TMEM87B: variants seen among roughly 807,000 people sequenced by gnomAD.
The protein encoded by TMEM87B is transmembrane protein 87B.
Under a neutral mutation model 80.3 loss-of-function variants are expected in TMEM87B, and 83 were observed. The ratio of observed to expected loss-of-function variants is 1.03; its 90% confidence interval spans 0.87 to 1.24. The LOEUF is 1.24. Among genes scored for constraint, TMEM87B ranks in the 50% most tolerant of loss-of-function variants. The pLI is 0.00. For synonymous variants in TMEM87B, 219 were observed against 230.5 expected (o/e 0.95, Z 0.45); for missense variants, 625 against 674.4 (o/e 0.93, Z 0.81).
intron 9 of TMEM87B, among the ~76,000 whole-genome samples, chr2:112,087,614 G>A (rs992626700): frequency 6.6e-6 from 1 of 152,074 alleles, no homozygotes; most frequent in Non-Finnish European, 1.5e-5. Flanking sequence ...CTAGTGCTCG[G>A]TTTTGTTTTT....
intron 6 of TMEM87B, among the ~76,000 whole-genome samples, chr2:112,077,804 C>G (rs1274513372): frequency 6.6e-6 from 1 of 152,246 alleles, no homozygotes; most frequent in Non-Finnish European, 1.5e-5. Context: ...CCTTGTTAAG[C>G]TGTGGTTCCT....
intron 1 of TMEM87B, among the ~76,000 whole-genome samples, chr2:112,058,294 C>G (rs772862757): frequency 6.6e-6 from 1 of 152,210 alleles, no homozygotes; most frequent in Non-Finnish European, 1.5e-5. Context: ...GGCCTTGAGC[C>G]TGAGGCCAGA....
chr2:112,055,638 G>T lies in TMEM87B; in HGVS notation c.47G>T (p.Arg16Leu), dbSNP rs1345260568. The change falls in exon 1 of 19, where the codon CGC becomes CTC. Residue 16 changes from arginine to leucine, a missense_variant. Transcript: ENST00000283206. ...GTAGCCGGGCTCCTGCCACGCCGCC[G>T]CCGCTGCTTTCCCGCCCGGGCCCCG... ...RSVAGLLPRR[R>L]RCFPARAPLL... 4 of 1,556,462 alleles carry T rather than the reference G, an allele frequency of 2.6e-6. No homozygotes were observed. The highest frequency in any genetic ancestry group is 2.6e-6 in the Non-Finnish European group (3 of 1,153,656).
At chr2:112,073,494 G>GT (rs1558833948) in intron 4 of TMEM87B, among the ~76,000 whole-genome samples, 1 of 152,126 alleles carries the variant, frequency 6.6e-6, no homozygotes, top group East Asian at 1.9e-4. Flanking sequence ...GTTCTTTTGC[G>GT]TTTTCTGAGC....
At chr2:112,070,292 G>A (rs1678583590) in intron 4 of TMEM87B, among the ~76,000 whole-genome samples, 1 of 152,078 alleles carries the variant, frequency 6.6e-6, no homozygotes, top group Non-Finnish European at 1.5e-5. Context: ...TCTTCATAGG[G>A]TTTTCATAGT....
chr2:112,082,229 C>G (rs1009768081), intron 8 of TMEM87B, among the ~76,000 whole-genome samples: 3 of 152,180 alleles, frequency 2.0e-5, no homozygotes, highest in East Asian at 1.9e-4. Context: ...TACAAATGAT[C>G]TTGGTGCAGA....
At position 112,098,704 on chromosome 2, in the gene TMEM87B, T is replaced by C; in HGVS notation, c.1376+6T>C. 6.2e-7 allele frequency: 1 copy of C among 1,612,690 alleles called. No individual in the cohort carries two copies. Among genetic ancestry groups the C allele is most frequent in the African/African-American group, 1.3e-5 (1 of 74,998 alleles). The stretch of plus-strand genomic sequence containing the variant: ...CCATCAGCAAACAATCAGAGGTACC[T>C]AACATAGGAAATTTCAAGTCGTCAA... On this transcript the variant is annotated splice_donor_region_variant and intron_variant, in intron 14 of 18. Coordinates refer to ENST00000283206, the MANE Select transcript of TMEM87B (RefSeq NM_032824.3).
At chr2:112,080,385 G>A (rs943496019) in intron 6 of TMEM87B, among the ~76,000 whole-genome samples, 1 of 151,788 alleles carries the variant, frequency 6.6e-6, no homozygotes, top group Non-Finnish European at 1.5e-5. Flanking sequence ...TCGGCCTCCC[G>A]AGTAGCTGGG....
chr2:112,091,635 T>G, intron 10 of TMEM87B, 77 bp from the exon 11 acceptor site: 1 of 972,728 alleles, frequency 1.0e-6, no homozygotes, highest in Non-Finnish European at 1.6e-6. Flanking sequence ...TAAATTATTT[T>G]TCTTCATCAA....
chr2:112,091,256 A>AT (rs1303043285), intron 10 of TMEM87B, among the ~76,000 whole-genome samples: 5 of 151,828 alleles, frequency 3.3e-5, no homozygotes, highest in Non-Finnish European at 7.4e-5. Flanking sequence ...AAAAAAAAAA[A>AT]TTTTACATAG....
Position 112,105,317 on chromosome 2 carries a change from G to A in TMEM87B, c.1451-685G>A, listed in dbSNP as rs12478087. Reference sequence around the variant, plus strand: ...ATGGAGAAGCAATATTTGCAAATTAGTGTAATAACAAAAGTGACTACTTAC... The same window carrying A: ...ATGGAGAAGCAATATTTGCAAATTAATGTAATAACAAAAGTGACTACTTAC... On this transcript the variant is annotated intron_variant, in intron 15 of 18. Coordinates refer to ENST00000283206, the MANE Select transcript of TMEM87B (RefSeq NM_032824.3). 6.7e-3 allele frequency among the ~76,000 whole-genome samples: 1,018 copies of A among 152,304 alleles called. 34 individuals are homozygous for A. The highest frequency in any genetic ancestry group is 0.057 in the Admixed American group (864 of 15,282).
intron 4 of TMEM87B, among the ~76,000 whole-genome samples, chr2:112,071,306 G>GC (rs887318414): frequency 1.2e-3 from 84 of 67,246 alleles, no homozygotes; most frequent in South Asian, 3.7e-3. Context: ...TTCCCCCCCC[G>GC]CCCCCCCGCC....
chr2:112,113,622 C>T (rs1679979008), intron 18 of TMEM87B, among the ~76,000 whole-genome samples: 2 of 152,002 alleles, frequency 1.3e-5, no homozygotes, highest in Non-Finnish European at 1.5e-5. Flanking sequence ...AGATTCATAA[C>T]TCTACAGAAA....
intron 11 of TMEM87B, among the ~76,000 whole-genome samples, chr2:112,093,319 G>A (rs61690597): frequency 0.054 from 8,181 of 152,218 alleles, 404 homozygotes; most frequent in African/African-American, 0.13. Context: ...GTAATTCATT[G>A]TCCTCACTCG....
chr2:112,080,146 C>G (rs1003615516), intron 6 of TMEM87B, among the ~76,000 whole-genome samples: 1 of 151,914 alleles, frequency 6.6e-6, no homozygotes, highest in Non-Finnish European at 1.5e-5. Flanking sequence ...TCAGGCTGGT[C>G]TCGATCCCCT....
chr2:112,072,029 A>G (rs1359197839), intron 4 of TMEM87B, among the ~76,000 whole-genome samples: 1 of 152,200 alleles, frequency 6.6e-6, no homozygotes, highest in African/African-American at 2.4e-5. Context: ...TTCTGTATCT[A>G]TTGAGATGAT....
intron 18 of TMEM87B, 68 bp downstream of exon 18, chr2:112,112,997 GA>G: frequency 7.1e-7 from 1 of 1,417,554 alleles, no homozygotes; most frequent in Non-Finnish European, 9.8e-7. Context: ...ATTTCAGAAA[GA>G]AGTTCTGAAA....
At chr2:112,077,867 T>C (rs1045235762) in intron 6 of TMEM87B, among the ~76,000 whole-genome samples, 16 of 152,178 alleles carry the variant, frequency 1.1e-4, no homozygotes, top group African/African-American at 3.4e-4. Context: ...AATGAATGCT[T>C]TCCCATATTC....
rs1019928152 is a variant in TMEM87B, at chr2:112,055,906, GCCGGGGA to G, written c.165+151_165+157del. 3 of 1,139,032 alleles carry G rather than the reference GCCGGGGA, an allele frequency of 2.6e-6. No homozygotes were observed. In the South Asian group the frequency reaches 6.4e-5, roughly 24 times the overall value. 70.6% of individuals were successfully genotyped at this position (1,139,032 alleles called of 1,614,324 possible). A position where few individuals can be genotyped will look rare whatever the true frequency, so the allele number is the denominator to read the frequency against. ...CTCCCTGAGCCTTTTGTCTGTTACA[GCCGGGGA>G]GCGGGGAGCGGCCCCTCCTCCGGCC... On this transcript the variant is annotated intron_variant, in intron 1 of 18. Coordinates refer to ENST00000283206, the MANE Select transcript of TMEM87B (RefSeq NM_032824.3).
Sources: gnomAD v4.1 joint callset for allele counts (sites outside exome capture counted in the v4.1 genomes callset) on GRCh38, gnomAD v4.1.1 for gene constraint, MANE v1.5 for transcripts, NCBI Gene and HGNC (gene_info 2026-07-23, HGNC 2026-07-21) for gene names.